ARID5B: variants seen among roughly 807,000 people sequenced by gnomAD.
The protein encoded by ARID5B is AT-rich interactive domain-containing protein 5B.
ARID5B carries 13 observed loss-of-function variants against 97.2 expected under a neutral mutation model. The ratio of observed to expected loss-of-function variants is 0.13; its 90% CI spans 0.09 to 0.21. ARID5B has a LOEUF of 0.21. Ranked by LOEUF, ARID5B falls within the 10% of genes least tolerant of loss-of-function variation. The pLI is 1.00. For synonymous variants in ARID5B, 556 were observed against 570.3 expected, an observed-to-expected ratio of 0.97 and a Z score of 0.36; for missense variants, 1,210 against 1,465.3, an observed-to-expected ratio of 0.83 and a Z score of 2.84.
At chr10:61,978,618 A>G (rs1838733752) in intron 3 of ARID5B, among the ~76,000 whole-genome samples, 1 of 152,158 alleles carries the variant, frequency 6.6e-6, no homozygotes, top group Admixed American at 6.5e-5. Context: ...TTCTCTTTGA[A>G]GCAATTGTGA....
chr10:62,049,338 G>GCGCTGAGCCTCGCAGCT lies in ARID5B; in HGVS notation c.734-1546_734-1530dup. 2.6e-6 allele frequency: 4 copies of GCGCTGAGCCTCGCAGCT among 1,526,052 alleles called. No homozygotes were observed. The South Asian group carries it at 3.8e-5, about 14-fold the overall frequency. The allele number at this position is 1,526,052 out of a possible 1,614,324, so 94.5% of individuals were successfully genotyped here. On this transcript the variant is annotated intron_variant, in intron 4 of 9. Transcript: ENST00000279873. The stretch of plus-strand genomic sequence containing the variant: ...CCGGGGGAGGGGAGTTGTAAGCAGA[G>GCGCTGAGCCTCGCAGCT]CGCTGAGCCTCGCAGCTCGCATTCG...
chr10:62,079,182 G>A (rs944304686), intron 8 of ARID5B, among the ~76,000 whole-genome samples: 1 of 152,162 alleles, frequency 6.6e-6, no homozygotes, highest in Non-Finnish European at 1.5e-5. Context: ...GTGTTGGTAT[G>A]TCTCCGTGTT....
At chr10:61,903,232 A>G (rs1427158546) in intron 2 of ARID5B, among the ~76,000 whole-genome samples, 1 of 151,920 alleles carries the variant, frequency 6.6e-6, no homozygotes, top group Non-Finnish European at 1.5e-5. Context: ...CTGCGGGTCC[A>G]GCGTTCTCCG....
At chr10:62,036,005 A>G (rs1275225664) in intron 4 of ARID5B, among the ~76,000 whole-genome samples, 1 of 151,672 alleles carries the variant, frequency 6.6e-6, no homozygotes, top group Non-Finnish European at 1.5e-5. Context: ...TTGTGTTTTT[A>G]GTAGAGACGC....
chr10:62,018,804 C>G (rs534684661), intron 4 of ARID5B, among the ~76,000 whole-genome samples: 22 of 152,144 alleles, frequency 1.4e-4, no homozygotes, highest in Non-Finnish European at 1.9e-4. Context: ...GCTATATTTA[C>G]AGTTCACCAA....
At chr10:62,079,195 T>C (rs1432041250) in intron 8 of ARID5B, among the ~76,000 whole-genome samples, 2 of 152,200 alleles carry the variant, frequency 1.3e-5, no homozygotes, top group African/African-American at 4.8e-5. Flanking sequence ...TCCGTGTTGA[T>C]ACATCTGTGT....
intron 4 of ARID5B, among the ~76,000 whole-genome samples, chr10:62,041,092 G>T (rs1839630446): frequency 6.6e-6 from 1 of 152,108 alleles, no homozygotes; most frequent in African/African-American, 2.4e-5. Context: ...ATGTCACCAG[G>T]TATTATCAAC....
At chr10:61,920,966 A>G (rs1844004343) in intron 2 of ARID5B, among the ~76,000 whole-genome samples, 2 of 152,192 alleles carry the variant, frequency 1.3e-5, no homozygotes, top group African/African-American at 4.8e-5. Flanking sequence ...ACCCCTCCAA[A>G]ATGAAAGATC....
intron 2 of ARID5B, among the ~76,000 whole-genome samples, chr10:61,933,243 T>C (rs1844244060): frequency 6.6e-6 from 1 of 152,264 alleles, no homozygotes; most frequent in African/African-American, 2.4e-5. Flanking sequence ...TGGGCTCCAC[T>C]TCTAATTCTA....
chr10:62,075,426 G>A (rs1840116646), intron 8 of ARID5B, among the ~76,000 whole-genome samples: 1 of 152,234 alleles, frequency 6.6e-6, no homozygotes, highest in Non-Finnish European at 1.5e-5. Flanking sequence ...TCCAGCCTCT[G>A]ATACAGCGCC....
At chr10:62,037,188 G>T (rs765280998) in intron 4 of ARID5B, among the ~76,000 whole-genome samples, 1 of 152,328 alleles carries the variant, frequency 6.6e-6, no homozygotes, top group Admixed American at 6.5e-5. Flanking sequence ...CAAAGTATTA[G>T]CAATGTTGCA....
At chr10:62,079,370 T>C (rs1457074475) in intron 8 of ARID5B, among the ~76,000 whole-genome samples, 1 of 152,230 alleles carries the variant, frequency 6.6e-6, no homozygotes, top group Non-Finnish European at 1.5e-5. Flanking sequence ...TAAAATGAGA[T>C]AAAATAATAT....
intron 4 of ARID5B, among the ~76,000 whole-genome samples, chr10:62,001,830 T>C (rs1225294065): frequency 1.3e-5 from 2 of 152,270 alleles, no homozygotes; most frequent in Non-Finnish European, 2.9e-5. Context: ...GTATTTATTT[T>C]TTCTTCTTCA....
At chr10:62,056,684 A>G (rs75949030) in intron 5 of ARID5B, among the ~76,000 whole-genome samples, 2,929 of 152,300 alleles carry the variant, frequency 0.019, 42 homozygotes, top group Non-Finnish European at 0.029. Flanking sequence ...TTTCTACCAG[A>G]TGCAAAGGCT....
intron 2 of ARID5B, among the ~76,000 whole-genome samples, chr10:61,929,328 T>G (rs1844164489): frequency 6.6e-6 from 1 of 152,190 alleles, no homozygotes; most frequent in Non-Finnish European, 1.5e-5. Context: ...TGCTTTCCTG[T>G]TCTTGTTCCA....
intron 4 of ARID5B, among the ~76,000 whole-genome samples, chr10:62,011,240 A>T (rs571228849): frequency 1.4e-4 from 22 of 152,306 alleles, no homozygotes; most frequent in African/African-American, 5.1e-4. Flanking sequence ...CAAATCTTTT[A>T]ACAAGGGTAT....
At chr10:61,960,541 T>G (rs2132821286) in intron 3 of ARID5B, among the ~76,000 whole-genome samples, 1 of 152,328 alleles carries the variant, frequency 6.6e-6, no homozygotes, top group South Asian at 2.1e-4. Flanking sequence ...ATTCTAAATA[T>G]TTATAAGATT....
chr10:62,003,885 A>G (rs952442633), intron 4 of ARID5B, among the ~76,000 whole-genome samples: 77 of 152,358 alleles, frequency 5.1e-4, no homozygotes, highest in Non-Finnish European at 9.1e-4. Flanking sequence ...CTGAATAACA[A>G]GTTTAATTGA....
intron 4 of ARID5B, among the ~76,000 whole-genome samples, chr10:62,007,142 G>A (rs541312013): frequency 6.6e-6 from 1 of 152,244 alleles, no homozygotes; most frequent in South Asian, 2.1e-4. Flanking sequence ...CTGGTCTGGG[G>A]TAGTGGTGGT....
Sources: gnomAD v4.1 joint callset for allele counts (sites outside exome capture counted in the v4.1 genomes callset) on GRCh38, gnomAD v4.1.1 for gene constraint, MANE v1.5 for transcripts, NCBI Gene and HGNC (gene_info 2026-07-23, HGNC 2026-07-21) for gene names.